Variants in PRKAG2 observed in about 807,000 individuals in gnomAD.
PRKAG2 encodes the protein protein kinase AMP-activated non-catalytic subunit gamma 2.
Under a neutral mutation model 69.6 loss-of-function variants are expected in PRKAG2, and 26 were observed. The ratio of observed to expected loss-of-function variants is 0.37; its 90% CI spans 0.27 to 0.52. PRKAG2 has a LOEUF of 0.52. PRKAG2 is among the 20% of genes least tolerant of loss of function. The pLI, the probability that PRKAG2 is intolerant of heterozygous loss-of-function variation, is 0.90. For missense variants in PRKAG2, 557 were observed against 740.0 expected (o/e 0.75, Z 2.87); for synonymous variants, 293 against 285.0 (o/e 1.03, Z -0.28).
chr7:151,802,309 AG>A (rs756898776), intron 1 of PRKAG2, among the ~76,000 whole-genome samples: 7 of 152,258 alleles, frequency 4.6e-5, no homozygotes, highest in Middle Eastern at 3.4e-3. Flanking sequence ...CATGAGGCCC[AG>A]GGACACCTCC....
intron 3 of PRKAG2, among the ~76,000 whole-genome samples, chr7:151,734,571 A>G (rs1317976957): frequency 2.6e-5 from 4 of 152,058 alleles, no homozygotes; most frequent in Admixed American, 6.6e-5. Context: ...GTTTTTTTAG[A>G]TAGGGTCTAG....
chr7:151,606,365 T>G (rs1414780667), intron 5 of PRKAG2, among the ~76,000 whole-genome samples: 1 of 152,208 alleles, frequency 6.6e-6, no homozygotes, highest in East Asian at 1.9e-4. Context: ...CGATTATAGG[T>G]GGCACCATCT....
chr7:151,613,333 A>C (rs901025813), intron 5 of PRKAG2, among the ~76,000 whole-genome samples: 6 of 152,116 alleles, frequency 3.9e-5, no homozygotes, highest in Admixed American at 2.0e-4. Flanking sequence ...CCAAAATCCA[A>C]ATTTTTTTGA....
intron 3 of PRKAG2, among the ~76,000 whole-genome samples, chr7:151,731,422 C>T (rs1237324929): frequency 6.6e-6 from 1 of 152,218 alleles, no homozygotes; most frequent in Non-Finnish European, 1.5e-5. Flanking sequence ...CCAGCGACAG[C>T]CACAGGCTTT....
intron 1 of PRKAG2, among the ~76,000 whole-genome samples, chr7:151,874,057 T>C (rs1004125913): frequency 6.1e-5 from 9 of 147,940 alleles, no homozygotes; most frequent in Non-Finnish European, 1.2e-4. Context: ...TGTATGTATA[T>C]GTATATGTAT....
chr7:151,596,447 C>T (rs1248445856), intron 5 of PRKAG2, among the ~76,000 whole-genome samples: 1 of 152,090 alleles, frequency 6.6e-6, no homozygotes, highest in Admixed American at 6.6e-5. Flanking sequence ...CTATAAAACA[C>T]TGATGAAAGA....
At chr7:151,846,985 C>G (rs1363159698) in intron 1 of PRKAG2, among the ~76,000 whole-genome samples, 1 of 152,190 alleles carries the variant, frequency 6.6e-6, no homozygotes, top group African/African-American at 2.4e-5. Flanking sequence ...AGCAAGATCA[C>G]CAAGGCTGTT....
chr7:151,827,300 G>A (rs911304789), intron 1 of PRKAG2, among the ~76,000 whole-genome samples: 10 of 152,012 alleles, frequency 6.6e-5, no homozygotes, highest in South Asian at 2.1e-4. Context: ...GTGCAGTGGC[G>A]CAATCTCAGC....
Position 151,876,891 on chromosome 7 carries a change from G to T in PRKAG2, c.-271C>A, listed in dbSNP as rs1324289561. 3 of 545,076 alleles carry T rather than the reference G, an allele frequency of 5.5e-6. No individual in the cohort carries two copies. Among genetic ancestry groups the T allele is most frequent in the East Asian group, 3.2e-5 (1 of 31,486 alleles). The allele number at this position is 545,076 out of a possible 1,614,324, so 33.8% of individuals were successfully genotyped here. A position where few individuals can be genotyped will look rare whatever the true frequency, so the allele number is the denominator to read the frequency against. On this transcript the variant is annotated 5_prime_UTR_variant, in exon 1 of 16. Transcript: ENST00000287878. The stretch of plus-strand genomic sequence containing the variant: ...GTTCTGGTGTCTCCCCGGGTTACTC[G>T]TGGCTGAGGTCTCCCGCTGGGTGAC...
At chr7:151,691,114 A>G (rs968016562) in intron 3 of PRKAG2, among the ~76,000 whole-genome samples, 2 of 152,230 alleles carry the variant, frequency 1.3e-5, no homozygotes, top group Admixed American at 6.5e-5. Flanking sequence ...AACCCCTCTC[A>G]GGCACCAAAG....
chr7:151,855,988 G>C (rs2079766305), intron 1 of PRKAG2, among the ~76,000 whole-genome samples: 1 of 152,218 alleles, frequency 6.6e-6, no homozygotes, highest in Admixed American at 6.5e-5. Flanking sequence ...TCTCTGGAGA[G>C]AGGTTAAGAC....
chr7:151,703,897 CACACACACACACAA>C (rs1254232810), intron 3 of PRKAG2, among the ~76,000 whole-genome samples: 55 of 138,236 alleles, frequency 4.0e-4, no homozygotes, highest in African/African-American at 1.5e-3. Context: ...CACACACACA[CACACACACACACAA>C]ATTAGCTAGG....
intron 6 of PRKAG2, among the ~76,000 whole-genome samples, chr7:151,586,058 C>A (rs1811591906): frequency 1.3e-5 from 2 of 152,232 alleles, no homozygotes; most frequent in Non-Finnish European, 2.9e-5. Context: ...TGCCCCTGCA[C>A]AGAGTGAGGA....
intron 3 of PRKAG2, among the ~76,000 whole-genome samples, chr7:151,697,293 G>A (rs1049760966): frequency 2.0e-5 from 3 of 152,162 alleles, no homozygotes; most frequent in African/African-American, 7.2e-5. Flanking sequence ...CAGGCAGGGA[G>A]AAGTGGTGGA....
At chr7:151,849,434 G>T (rs2079517398) in intron 1 of PRKAG2, among the ~76,000 whole-genome samples, 1 of 152,198 alleles carries the variant, frequency 6.6e-6, no homozygotes, top group South Asian at 2.1e-4. Context: ...ATTAGTCTCT[G>T]TGTCTAGATG....
At chr7:151,851,402 G>T (rs551451437) in intron 1 of PRKAG2, among the ~76,000 whole-genome samples, 182 of 151,834 alleles carry the variant, frequency 1.2e-3, no homozygotes, top group Non-Finnish European at 2.2e-3. Flanking sequence ...CCCTTTTTCT[G>T]GAAACTGCCC....
intron 9 of PRKAG2, among the ~76,000 whole-genome samples, chr7:151,572,156 T>C (rs1383990735): frequency 6.6e-6 from 1 of 152,254 alleles, no homozygotes; most frequent in Admixed American, 6.5e-5. Flanking sequence ...GAAGAGAATA[T>C]GGTCTTCAAA....
intron 13 of PRKAG2, 157 bp from the exon 14 acceptor site, chr7:151,564,381 G>A (rs573899334): frequency 1.4e-6 from 1 of 703,604 alleles, no homozygotes; most frequent in Non-Finnish European, 2.4e-6. Context: ...CTTACGACAT[G>A]CCATTGCTAC....
chr7:151,684,844 T>G (rs915533707), intron 3 of PRKAG2, among the ~76,000 whole-genome samples: 1 of 152,144 alleles, frequency 6.6e-6, no homozygotes, highest in African/African-American at 2.4e-5. Flanking sequence ...TCAGCCACAA[T>G]GCACTCTGGA....
Sources: gnomAD v4.1 joint callset for allele counts (sites outside exome capture counted in the v4.1 genomes callset) on GRCh38, gnomAD v4.1.1 for gene constraint, MANE v1.5 for transcripts, NCBI Gene and HGNC (gene_info 2026-07-23, HGNC 2026-07-21) for gene names.